The following ARHGEF1 variants were observed in gnomAD, a reference collection of about 807,000 sequenced individuals.
ARHGEF1 encodes 115 kDa guanine nucleotide exchange factor.
Under a neutral mutation model 119.7 loss-of-function variants are expected in ARHGEF1, and 40 were observed. The observed-to-expected ratio is 0.33, with a 90% CI of 0.26 to 0.44. The LOEUF (loss-of-function observed/expected upper bound fraction) is 0.44, where lower values mean the gene tolerates loss of function less well. Ranked by LOEUF, ARHGEF1 falls within the 20% of genes least tolerant of loss-of-function variation. The probability of loss-of-function intolerance (pLI) is 1.00; values close to 1 mark genes in which losing one functional copy is unlikely to be tolerated. For missense variants in ARHGEF1, 976 were observed against 1,268.3 expected, an observed-to-expected ratio of 0.77 and a Z score of 3.50; for synonymous variants, 494 against 521.0, an observed-to-expected ratio of 0.95 and a Z score of 0.71.
intron 18 of ARHGEF1, among the ~76,000 whole-genome samples, chr19:41,914,411 C>G (rs1599673899): frequency 1.3e-5 from 2 of 151,666 alleles, no homozygotes; most frequent in African/African-American, 4.9e-5. Context: ...TCGTCTCCAT[C>G]TCCTCCTCCA....
downstream of ARHGEF1, chr19:41,909,597 TCACAGAAGTC>T: frequency 2.4e-6 from 2 of 848,474 alleles, no homozygotes; most frequent in Non-Finnish European, 3.4e-6. This position sits in a 1 kb window ranked among gnomAD's most constrained non-coding sequence, Gnocchi z 5.2. Flanking sequence ...AAACTGAGGC[TCACAGAAGTC>T]CCTTAATAGG....
rs782799693 is a variant in ARHGEF1 at position 41,894,438 on chromosome 19, C to T, written c.745-13C>T. On this transcript the variant is annotated splice_polypyrimidine_tract_variant and intron_variant, in intron 9 of 28. Transcript: ENST00000354532. ...AGATGCTTAGCCTGGTCTTCCTCCCCGCCCTCTCACAGGTGATGGGGAACC... is the reference window on the plus strand; with the variant it reads ...AGATGCTTAGCCTGGTCTTCCTCCCTGCCCTCTCACAGGTGATGGGGAACC... The T allele has an allele frequency of 1.1e-4, 165 of 1,544,594 alleles. 1 individual carries two copies. Among genetic ancestry groups the T allele is most frequent in the Non-Finnish European group, 3.3e-5 (38 of 1,143,838 alleles).
chr19:41,927,274 G>A (rs1288010507), intron 1 of ARHGEF1, among the ~76,000 whole-genome samples: 4 of 152,054 alleles, frequency 2.6e-5, no homozygotes, highest in African/African-American at 2.4e-5. Context: ...AGAGGGCCCC[G>A]GCCCCACGAA....
chr19:41,912,275 A>AC (rs2074757064), downstream of ARHGEF1, among the ~76,000 whole-genome samples: 1 of 152,086 alleles, frequency 6.6e-6, no homozygotes, highest in Admixed American at 6.5e-5. Flanking sequence ...CTGAAATGAG[A>AC]CCCCAAATAA....
At chr19:41,908,388 G>T, downstream of ARHGEF1, 1 of 1,231,250 alleles carries the variant, frequency 8.1e-7, no homozygotes, top group African/African-American at 1.6e-5. This position sits in a 1 kb window ranked among gnomAD's most constrained non-coding sequence, Gnocchi z 6.7. Flanking sequence ...CCCAGCCCCT[G>T]GCAGCGCCAG....
Position 41,906,671 on chromosome 19 carries a change from GC to G in ARHGEF1, c.2656-26del. The G allele has an allele frequency of 6.3e-7, 1 of 1,599,052 alleles. No homozygotes were observed. The highest frequency in any genetic ancestry group is 8.5e-7 in the Non-Finnish European group (1 of 1,175,108). On this transcript the variant is annotated intron_variant, in intron 27 of 28. Transcript: ENST00000354532. This position sits in a 1 kb window ranked among gnomAD's most constrained non-coding sequence, Gnocchi z 4.5. The stretch of plus-strand genomic sequence containing the variant: ...CCTGAGTGGGCTGGGGAAGGAAGGG[GC>G]CCCCCTCATCCATGACCCCCACCCC...
chr19:41,893,634 C>A (rs2074418156), intron 8 of ARHGEF1, among the ~76,000 whole-genome samples: 1 of 31,684 alleles, frequency 3.2e-5, no homozygotes. Flanking sequence ...GGCTGGGGGC[C>A]TGGACTCCTG....
upstream of ARHGEF1, among the ~76,000 whole-genome samples, chr19:41,921,530 C>T (rs375327365): frequency 1.4e-5 from 2 of 147,816 alleles, no homozygotes; most frequent in East Asian, 1.9e-4. This position sits in a 1 kb window ranked among gnomAD's most constrained non-coding sequence, Gnocchi z 4.4. Context: ...GGGGGAGATC[C>T]GAGGTGGGGA....
At chr19:41,891,480 C>T (rs905845461) in intron 4 of ARHGEF1, among the ~76,000 whole-genome samples, 6 of 152,132 alleles carry the variant, frequency 3.9e-5, no homozygotes, top group African/African-American at 7.2e-5. Context: ...GACAGGGTTT[C>T]GCCATGTTGG....
rs781813623 is a variant in ARHGEF1, at chr19:41,902,342, G to C, written c.1483G>C (p.Val495Leu). The change falls in exon 16 of 29, where the codon GTG (valine) becomes CTG (leucine). Residue 495 changes from valine (V) to leucine (L), a missense_variant. Transcript: ENST00000354532. This position sits in a 1 kb window ranked among gnomAD's most constrained non-coding sequence, Gnocchi z 6.5. ...CTACCTCATCGAGGAGATCGGAGACGTGCTGCTGGCCCGGGTGAGATGCCC... is the reference window on the plus strand; with the variant it reads ...CTACCTCATCGAGGAGATCGGAGACCTGCTGCTGGCCCGGGTGAGATGCCC... ...SGYLIEEIGD[V>L]LLARFDGAEG... The C allele has an allele frequency of 6.2e-7, 1 of 1,614,112 alleles. No individual in the cohort carries two copies. Among genetic ancestry groups the C allele is most frequent in the South Asian group, 1.1e-5 (1 of 91,090 alleles).
Position 41,888,748 on chromosome 19 carries a change from C to G in ARHGEF1, c.112-4C>G, listed in dbSNP as rs41303849. 12,351 of 1,614,022 alleles carry G rather than the reference C, an allele frequency of 7.7e-3. 580 individuals carry two copies. In the African/African-American group the frequency reaches 0.12, roughly 16 times the overall value. ...ATTGTACTCACCCCTTCCTGCACCCCCAGAACTCAGAAGAGCAAAACAGCC... is the reference window on the plus strand; with the variant it reads ...ATTGTACTCACCCCTTCCTGCACCCGCAGAACTCAGAAGAGCAAAACAGCC... On this transcript the variant is annotated splice_polypyrimidine_tract_variant and splice_region_variant and intron_variant, in intron 3 of 28. Transcript: ENST00000354532. The surrounding 1 kb of genome is among the most constrained non-coding windows in gnomAD (Gnocchi z 5.1).
rs2074321202 is a variant in ARHGEF1 at position 41,888,032 on chromosome 19, C to T, written c.-19-32C>T. 6.2e-7 allele frequency: 1 copy of T among 1,604,022 alleles called. No individual in the cohort carries two copies. Among genetic ancestry groups the T allele is most frequent in the African/African-American group, 1.4e-5 (1 of 73,954 alleles). ...ACCACCCTGGGCCGCCTCCTCCCAC[C>T]CTCCTAACCACAGCCCCTCCTCTTC... On this transcript the variant is annotated intron_variant, in intron 1 of 28. Coordinates refer to ENST00000354532, the MANE Select transcript of ARHGEF1 (RefSeq NM_004706.4). The surrounding 1 kb of genome is among the most constrained non-coding windows in gnomAD (Gnocchi z 5.1).
chr19:41,895,760 C>A (rs527584357), intron 12 of ARHGEF1, among the ~76,000 whole-genome samples: 1 of 152,280 alleles, frequency 6.6e-6, no homozygotes. Context: ...TCAACCCTTC[C>A]TTTTCCAGAA....
chr19:41,915,254 C>T (rs929147559), intron 18 of ARHGEF1, among the ~76,000 whole-genome samples: 5 of 150,646 alleles, frequency 3.3e-5, no homozygotes, highest in Admixed American at 6.6e-5. Context: ...ATCGGCGCTC[C>T]GGGCCCTGCT....
At chr19:41,907,664 C>T, downstream of ARHGEF1, 1 of 427,468 alleles carries the variant, frequency 2.3e-6, no homozygotes, top group East Asian at 4.5e-5. Flanking sequence ...CCTCCAGCTC[C>T]CACCCCCGAT....
intron 9 of ARHGEF1, 29 bp downstream of exon 9, chr19:41,894,335 CT>C (rs782059204): frequency 1.3e-5 from 20 of 1,521,830 alleles, no homozygotes; most frequent in Middle Eastern, 1.8e-4. Flanking sequence ...CGTCCTGACC[CT>C]TTCCTCTCCA....
At chr19:41,884,285 A>T in intron 1 of ARHGEF1, 2 of 822,636 alleles carry the variant, frequency 2.4e-6, no homozygotes, top group Non-Finnish European at 3.8e-6. Flanking sequence ...GTACAGCGCT[A>T]GAGCGGCCGG....
In ARHGEF1 at chr19:41,903,923, C is replaced by A; in HGVS notation, c.1918-112C>A. 2 of 1,359,054 alleles carry A rather than the reference C, an allele frequency of 1.5e-6. No individual in the cohort carries two copies. The highest frequency in any genetic ancestry group is 2.5e-5 in the South Asian group (2 of 81,244). 84.2% of individuals were successfully genotyped at this position (1,359,054 alleles called of 1,614,324 possible). ...CTCTGTCCCCCACCTCATGCCAATC[C>A]CATGATCCCCAGCCTGTGGTCATCC... On this transcript the variant is annotated intron_variant, in intron 20 of 28. Coordinates refer to ENST00000354532, the MANE Select transcript of ARHGEF1 (RefSeq NM_004706.4). This position sits in a 1 kb window ranked among gnomAD's most constrained non-coding sequence, Gnocchi z 4.2.
At position 41,916,992 on chromosome 19, in the gene ARHGEF1, A is replaced by G. The variant is rs73550632; in HGVS notation, c.1866-6100A>G. ...CTGTCCCTCCATCTGTGAACTTCCC[A>G]AGCATGTCTCTGCATGGGTGTGTGT... On this transcript the variant is annotated intron_variant, in intron 18 of 20. Transcript: ENST00000599589. This position sits in a 1 kb window ranked among gnomAD's most constrained non-coding sequence, Gnocchi z 5.4. 0.27 allele frequency among the ~76,000 whole-genome samples: 40,276 copies of G among 151,648 alleles called. 11,477 individuals carry two copies. Among genetic ancestry groups the G allele is most frequent in the African/African-American group, 0.72 (29,700 of 41,168 alleles).
Sources: allele counts gnomAD v4.1 joint callset (sites outside exome capture counted in the v4.1 genomes callset), GRCh38; gene constraint gnomAD v4.1.1; non-coding constraint Gnocchi (gnomAD v3.1); transcripts MANE v1.5; gene names NCBI Gene and HGNC (gene_info 2026-07-23, HGNC 2026-07-21).